Variants in KIR2DL1 observed in about 807,000 individuals in gnomAD.
KIR2DL1 encodes the protein killer cell immunoglobulin-like receptor 2DL1.
In KIR2DL1, 38 loss-of-function variants were observed where a neutral mutation model predicts 33.9. The observed-to-expected ratio is 1.12, with a 90% CI of 0.86 to 1.47. KIR2DL1 has a LOEUF of 1.47. Among genes scored for constraint, KIR2DL1 ranks in the 40% most tolerant of loss-of-function variants. KIR2DL1 has a pLI of 0.00. For synonymous variants in KIR2DL1, 179 were observed against 165.9 expected (o/e 1.08, Z -0.61); for missense variants, 531 against 433.9 (o/e 1.22, Z -1.99).
chr19:54,775,158 C>T lies in KIR2DL1; in HGVS notation c.371-7C>T, dbSNP rs771327389. The T allele has an allele frequency of 1.9e-6, 3 of 1,566,546 alleles. No individual in the cohort carries two copies. Among genetic ancestry groups the T allele is most frequent in the African/African-American group, 2.8e-5 (2 of 72,588 alleles). On this transcript the variant is annotated splice_region_variant and splice_polypyrimidine_tract_variant and intron_variant, in intron 3 of 7. Transcript: ENST00000336077. Reference sequence around the variant, plus strand: ...CTCCCTGAGGAAACTGCCTCTTCTCCTTCCAGGTCTATATGAGAAACCTTC... The same window carrying T: ...CTCCCTGAGGAAACTGCCTCTTCTCTTTCCAGGTCTATATGAGAAACCTTC...
At chr19:54,780,614 A>G (rs2076831093) in intron 5 of KIR2DL1, among the ~76,000 whole-genome samples, 1 of 144,086 alleles carries the variant, frequency 6.9e-6, no homozygotes, top group Admixed American at 7.1e-5. Flanking sequence ...ACTGGAATCT[A>G]GGAGACCGTG....
At chr19:54,770,792 G>T (rs1400418523) in intron 1 of KIR2DL1, 57 bp from the exon 2 acceptor site, 2 of 1,572,030 alleles carry the variant, frequency 1.3e-6, no homozygotes, top group Admixed American at 3.4e-5. Context: ...AGTGGGGGCA[G>T]CAAGGGTGCC....
intron 1 of KIR2DL1, among the ~76,000 whole-genome samples, chr19:54,770,532 T>C (rs1438262838): frequency 2.1e-5 from 3 of 142,310 alleles, no homozygotes; most frequent in Admixed American, 7.1e-5. Flanking sequence ...ATTGGAGATA[T>C]GGGCCCAGGG....
rs1471452601 is a variant in KIR2DL1 at position 54,775,316 on chromosome 19, G to A, written c.522G>A (p.Gly174=). 6 of 1,584,214 alleles carry A rather than the reference G, an allele frequency of 3.8e-6. No homozygotes were observed. The highest frequency in any genetic ancestry group is 1.7e-5 in the Admixed American group (1 of 59,036). ...GEAHERRLPA[G]PKVNGTFQAD... Reference sequence around the variant, plus strand: ...CCCATGAACGTAGGCTCCCTGCAGGGCCCAAGGTCAACGGAACATTCCAGG... The same window carrying A: ...CCCATGAACGTAGGCTCCCTGCAGGACCCAAGGTCAACGGAACATTCCAGG... The change falls in exon 4 of 8, where the codon GGG becomes GGA. Residue 174 remains glycine, a synonymous_variant. Coordinates refer to ENST00000336077, the MANE Select transcript of KIR2DL1 (RefSeq NM_014218.3).
At chr19:54,775,136 C>A in intron 3 of KIR2DL1, 29 bp from the exon 4 acceptor site, 1 of 1,552,650 alleles carries the variant, frequency 6.4e-7, no homozygotes, top group Non-Finnish European at 8.8e-7. Context: ...GAAGATCCTC[C>A]CTGAGGAAAC....
At chr19:54,780,600 C>T (rs1347328484) in intron 5 of KIR2DL1, among the ~76,000 whole-genome samples, 2 of 144,356 alleles carry the variant, frequency 1.4e-5, no homozygotes, top group South Asian at 2.3e-4. Context: ...GGCCCAGGTG[C>T]ATAACTGGAA....
chr19:54,773,699 A>G (rs638364), intron 3 of KIR2DL1, 67 bp downstream of exon 3: 441,521 of 1,421,324 alleles, frequency 0.31, 53,520 homozygotes, highest in South Asian at 0.46. Context: ...GGAATTGGAG[A>G]CCCAGGTGGC....
In KIR2DL1 at chr19:54,778,699, C is replaced by A. The variant is rs565293237; in HGVS notation, c.715+37C>A. 2.1e-5 allele frequency: 31 copies of A among 1,472,598 alleles called. 6 individuals carry two copies. Among genetic ancestry groups the A allele is most frequent in the East Asian group, 1.6e-4 (7 of 44,448 alleles). The allele number at this position is 1,472,598 out of a possible 1,614,324, so 91.2% of individuals were successfully genotyped here. A position where few individuals can be genotyped will look rare whatever the true frequency, so the allele number is the denominator to read the frequency against. On this transcript the variant is annotated intron_variant, in intron 5 of 7. Coordinates refer to ENST00000336077, the MANE Select transcript of KIR2DL1 (RefSeq NM_014218.3). ...ACCCTCTTATATCCGCTTTTGGAAC[C>A]CTGGGGAGGTGGGAACCTTGGATTC...
At chr19:54,779,375 G>T (rs611041) in intron 5 of KIR2DL1, among the ~76,000 whole-genome samples, 347 of 132,722 alleles carry the variant, frequency 2.6e-3, no homozygotes, top group African/African-American at 3.5e-3. Context: ...CTTCTCACTT[G>T]TCCCAGCTTC....
At chr19:54,781,657 C>A (rs983097596) in intron 5 of KIR2DL1, among the ~76,000 whole-genome samples, 2 of 151,934 alleles carry the variant, frequency 1.3e-5, no homozygotes, top group Admixed American at 6.6e-5. Flanking sequence ...GTCCTTCCCC[C>A]AGCCTCTCGG....
Position 54,783,504 on chromosome 19 carries a change from A to C in KIR2DL1, c.836A>C (p.Gln279Pro). 1 of 1,613,650 alleles carries C rather than the reference A, an allele frequency of 6.2e-7. No homozygotes were observed. Among genetic ancestry groups the C allele is most frequent in the South Asian group, 1.1e-5 (1 of 91,058 alleles). The change falls in exon 7 of 8, where the codon CAA becomes CCA. Residue 279 changes from glutamine to proline, a missense_variant. Transcript: ENST00000336077. ...TCTACAGATGCTGCGGTAATGGACC[A>C]AGAGTCTGCAGGAAACAGAACAGCG... is the stretch of plus-strand genomic sequence containing the variant. ...SNKKNAAVMD[Q>P]ESAGNRTANS...
intron 3 of KIR2DL1, 64 bp from the exon 4 acceptor site, chr19:54,775,101 C>G (rs1404115547): frequency 4.7e-6 from 7 of 1,502,748 alleles, no homozygotes; most frequent in Non-Finnish European, 6.3e-6. Context: ...GAGTTCTCAG[C>G]TCAGGTGAAG....
Position 54,775,468 on chromosome 19 carries a change from G to C in KIR2DL1, c.664+10G>C, listed in dbSNP as rs546152409. ...CTTGTTTCTGTCACAGGTGAGGAAA[G>C]CCCATGGCTGTCCCATGTCCTATGA... is the stretch of plus-strand genomic sequence containing the variant. On this transcript the variant is annotated intron_variant, in intron 4 of 7. Coordinates refer to ENST00000336077, the MANE Select transcript of KIR2DL1 (RefSeq NM_014218.3). The C allele has an allele frequency of 8.9e-6, 14 of 1,580,058 alleles. 1 individual carries two copies. The highest frequency in any genetic ancestry group is 1.2e-5 in the Non-Finnish European group (14 of 1,153,404).
At chr19:54,779,085 C>T (rs1296131533) in intron 5 of KIR2DL1, among the ~76,000 whole-genome samples, 1 of 147,392 alleles carries the variant, frequency 6.8e-6, no homozygotes, top group Non-Finnish European at 1.5e-5. Context: ...CTGGCTGACT[C>T]CGCAGAGAAA....
At chr19:54,781,449 C>T (rs2076928864) in intron 5 of KIR2DL1, among the ~76,000 whole-genome samples, 1 of 150,478 alleles carries the variant, frequency 6.6e-6, no homozygotes, top group Non-Finnish European at 1.5e-5. Context: ...GCCCACTCAC[C>T]CAAATCCCCC....
chr19:54,775,929 T>G (rs2076278662), intron 4 of KIR2DL1, among the ~76,000 whole-genome samples: 1 of 146,292 alleles, frequency 6.8e-6, no homozygotes, highest in Non-Finnish European at 1.5e-5. Context: ...TCTAGCTCTG[T>G]CCCCTATGAT....
chr19:54,783,407 CT>C (rs1186010252), intron 6 of KIR2DL1, 78 bp from the exon 7 acceptor site: 1 of 1,521,148 alleles, frequency 6.6e-7, no homozygotes, highest in Non-Finnish European at 9.1e-7. Context: ...TGGTCTCCCC[CT>C]GTATGTTGGT....
intron 3 of KIR2DL1, among the ~76,000 whole-genome samples, chr19:54,774,442 G>A (rs1430236918): frequency 1.3e-5 from 2 of 148,428 alleles, no homozygotes; most frequent in East Asian, 3.9e-4. Context: ...ATGGAGATGT[G>A]GGGATGAATT....
intron 2 of KIR2DL1, among the ~76,000 whole-genome samples, chr19:54,772,053 T>G (rs1331874588): frequency 1.4e-5 from 2 of 147,942 alleles, no homozygotes; most frequent in East Asian, 1.9e-4. Context: ...GGAAGAATAA[T>G]TGTCCCCAGT....
Sources: gnomAD v4.1 joint callset for allele counts (sites outside exome capture counted in the v4.1 genomes callset) on GRCh38, gnomAD v4.1.1 for gene constraint, MANE v1.5 for transcripts, NCBI Gene and HGNC (gene_info 2026-07-23, HGNC 2026-07-21) for gene names.